The following HDGFL3 variants were observed in gnomAD, a reference collection of about 807,000 sequenced individuals.
HDGFL3 encodes hepatoma-derived growth factor-related protein 3.
HDGFL3 carries 6 observed loss-of-function variants against 27.6 expected under a neutral mutation model. That is an observed-to-expected ratio of 0.22 (90% CI 0.12 to 0.43). HDGFL3 has a LOEUF of 0.43. Among genes scored for constraint, HDGFL3 ranks in the 20% least tolerant of loss-of-function variants. HDGFL3 has a pLI of 1.00. For synonymous variants in HDGFL3, 88 were observed against 88.9 expected, an observed-to-expected ratio of 0.99 and a Z score of 0.05; for missense variants, 207 against 250.1, an observed-to-expected ratio of 0.83 and a Z score of 1.16.
chr15:83,193,867 G>A (rs1029983136), intron 1 of HDGFL3, among the ~76,000 whole-genome samples: 1 of 152,190 alleles, frequency 6.6e-6, no homozygotes, highest in African/African-American at 2.4e-5. Flanking sequence ...GTAGCCTATA[G>A]TGTAGCTGCA....
At chr15:83,150,266 A>G (rs2036947928) in intron 5 of HDGFL3, among the ~76,000 whole-genome samples, 1 of 152,210 alleles carries the variant, frequency 6.6e-6, no homozygotes, top group Non-Finnish European at 1.5e-5. Context: ...GAATAGAAAG[A>G]AAATCAAGTG....
At chr15:83,146,820 T>C (rs2036901939) in intron 5 of HDGFL3, among the ~76,000 whole-genome samples, 1 of 152,220 alleles carries the variant, frequency 6.6e-6, no homozygotes, top group Non-Finnish European at 1.5e-5. Flanking sequence ...CATTCTCTTA[T>C]TCTTCTAAAT....
Position 83,151,257 on chromosome 15 carries a change from G to A in HDGFL3, c.564C>T (p.Asp188=). The part of the protein sequence containing the change: ...SSSEGGDAGN[D]TRNTTSDLQK... Reference sequence around the variant, plus strand: ...GCAAGTCTGAAGTTGTGTTTCTTGTGTCGTTGCCCGCATCTCCACCCTCAG... The same window carrying A: ...GCAAGTCTGAAGTTGTGTTTCTTGTATCGTTGCCCGCATCTCCACCCTCAG... The change falls in exon 5 of 6, where the codon GAC becomes GAT. Residue 188 remains aspartate, a synonymous_variant. Transcript: ENST00000299633. 1.2e-6 allele frequency: 2 copies of A among 1,613,160 alleles called. No homozygotes were observed. The highest frequency in any genetic ancestry group is 1.1e-5 in the South Asian group (1 of 91,004).
chr15:83,160,634 G>A (rs183829164), intron 2 of HDGFL3, among the ~76,000 whole-genome samples: 1 of 152,336 alleles, frequency 6.6e-6, no homozygotes, highest in African/African-American at 2.4e-5. Context: ...GGAGATGTCA[G>A]GTAGCTGGAG....
At chr15:83,178,423 C>T (rs2037339321) in intron 1 of HDGFL3, among the ~76,000 whole-genome samples, 1 of 152,164 alleles carries the variant, frequency 6.6e-6, no homozygotes, top group Admixed American at 6.5e-5. Flanking sequence ...TGACTCTTGT[C>T]ATACTCTTAA....
rs1484614008 is a variant in HDGFL3, at chr15:83,135,297, C to T, written c.*3973G>A. On this transcript the variant is annotated 3_prime_UTR_variant, in exon 6 of 6. Coordinates refer to ENST00000299633, the MANE Select transcript of HDGFL3 (RefSeq NM_016073.4). ...TAACACCTTTATCTGTGAAATCACT[C>T]AGCAGAATAAATTGGTTTCATATGG... The T allele has an allele frequency of 6.6e-6, 1 of 152,216 alleles. No individual in the cohort carries two copies. The highest frequency in any genetic ancestry group is 1.9e-4 in the East Asian group (1 of 5,206). 9.4% of individuals were successfully genotyped at this position (152,216 alleles called of 1,614,324 possible).
intron 5 of HDGFL3, 134 bp downstream of exon 5, chr15:83,151,081 T>A: frequency 1.3e-6 from 1 of 744,788 alleles, no homozygotes. Flanking sequence ...AAGGGCTGAG[T>A]GGATGCATAT....
intron 2 of HDGFL3, among the ~76,000 whole-genome samples, chr15:83,159,949 T>C (rs938179308): frequency 3.3e-5 from 5 of 152,218 alleles, no homozygotes; most frequent in African/African-American, 7.2e-5. Context: ...TATGTCTTAA[T>C]AGGATAACTT....
chr15:83,185,920 C>T (rs932676080), intron 1 of HDGFL3: 1 of 152,388 alleles, frequency 6.6e-6, no homozygotes, highest in African/African-American at 2.4e-5. Context: ...TCTTGCTTGT[C>T]CGCTCTGAGG....
chr15:83,145,194 C>G (rs1789261361), intron 5 of HDGFL3, among the ~76,000 whole-genome samples: 1 of 152,118 alleles, frequency 6.6e-6, no homozygotes, highest in South Asian at 2.1e-4. Flanking sequence ...ACTCTGGATA[C>G]TATAAGATGG....
chr15:83,203,671 A>AT (rs2037679998), intron 1 of HDGFL3, among the ~76,000 whole-genome samples: 1 of 151,630 alleles, frequency 6.6e-6, no homozygotes, highest in South Asian at 2.1e-4. Flanking sequence ...TATTCCAAAA[A>AT]TTAAGACTTT....
downstream of HDGFL3, chr15:83,127,621 C>T: frequency 2.4e-6 from 2 of 832,900 alleles, no homozygotes; most frequent in East Asian, 2.6e-5. Flanking sequence ...CTTCAGAAGA[C>T]ATTTCTGCAA....
chr15:83,190,354 T>C (rs1054514626), intron 1 of HDGFL3, among the ~76,000 whole-genome samples: 4 of 152,186 alleles, frequency 2.6e-5, no homozygotes, highest in African/African-American at 9.6e-5. Context: ...TCAGAAAGTA[T>C]GCAAAATCCA....
intron 1 of HDGFL3, chr15:83,189,349 T>C (rs1345408901): frequency 6.6e-6 from 1 of 152,276 alleles, no homozygotes; most frequent in Non-Finnish European, 1.5e-5. Context: ...TGATATGGCT[T>C]TGTCTACCTA....
At chr15:83,189,058 C>A (rs912593712) in intron 1 of HDGFL3, among the ~76,000 whole-genome samples, 1 of 152,070 alleles carries the variant, frequency 6.6e-6, no homozygotes, top group Non-Finnish European at 1.5e-5. Flanking sequence ...TTCAATTATA[C>A]CCCAAAACAT....
chr15:83,139,236 G>A lies in HDGFL3; in HGVS notation c.*34C>T. Reference sequence around the variant, plus strand: ...ACAACCAAACATATAACCTTCTTGTGGTTTCTCTTAATATGCAGCATTCAT... The same window carrying A: ...ACAACCAAACATATAACCTTCTTGTAGTTTCTCTTAATATGCAGCATTCAT... On this transcript the variant is annotated 3_prime_UTR_variant, in exon 6 of 6. Transcript: ENST00000299633. 2 of 1,390,502 alleles carry A rather than the reference G, an allele frequency of 1.4e-6. No individual in the cohort carries two copies. Among genetic ancestry groups the A allele is most frequent in the Non-Finnish European group, 1.9e-6 (2 of 1,041,564 alleles). The allele number at this position is 1,390,502 out of a possible 1,614,324, so 86.1% of individuals were successfully genotyped here.
rs1221820185 is a variant in HDGFL3, at chr15:83,207,293, G to A, written c.84+38C>T. ...GGCGCGCCATCATGAAGGGGAAAATGGTGGGCGGGCGGGCCCGCGCGCGGC... is the reference window on the plus strand; with the variant it reads ...GGCGCGCCATCATGAAGGGGAAAATAGTGGGCGGGCGGGCCCGCGCGCGGC... On this transcript the variant is annotated intron_variant, in intron 1 of 5. Coordinates refer to ENST00000299633, the MANE Select transcript of HDGFL3 (RefSeq NM_016073.4). This position sits in a 1 kb window ranked among gnomAD's most constrained non-coding sequence, Gnocchi z 4.8. 8.5e-6 allele frequency: 11 copies of A among 1,289,970 alleles called. No homozygotes were observed. The highest frequency in any genetic ancestry group is 1.1e-5 in the Non-Finnish European group (11 of 1,000,378). The allele number at this position is 1,289,970 out of a possible 1,614,324, so 79.9% of individuals were successfully genotyped here. A position where few individuals can be genotyped will look rare whatever the true frequency, so the allele number is the denominator to read the frequency against.
Position 83,136,910 on chromosome 15 carries a change from G to A in HDGFL3, c.*2360C>T. ...TTCAAAATCATTTGTGAATAAACTT[G>A]ATCATCCATCTCAATATTGTTTGAC... On this transcript the variant is annotated 3_prime_UTR_variant, in exon 6 of 6. Transcript: ENST00000299633. 3.1e-6 allele frequency: 1 copy of A among 323,478 alleles called. No homozygotes were observed. The highest frequency in any genetic ancestry group is 2.1e-5 in the African/African-American group (1 of 46,928). 20.0% of individuals were successfully genotyped at this position (323,478 alleles called of 1,614,324 possible). A position where few individuals can be genotyped will look rare whatever the true frequency, so the allele number is the denominator to read the frequency against.
intron 1 of HDGFL3, among the ~76,000 whole-genome samples, chr15:83,196,189 ATATT>A (rs1212217266): frequency 1.3e-5 from 2 of 151,838 alleles, no homozygotes; most frequent in African/African-American, 4.8e-5. Flanking sequence ...AAATATCAAT[ATATT>A]TATATTTGTC....
Sources: allele counts gnomAD v4.1 joint callset (sites outside exome capture counted in the v4.1 genomes callset), GRCh38; gene constraint gnomAD v4.1.1; non-coding constraint Gnocchi (gnomAD v3.1); transcripts MANE v1.5; gene names NCBI Gene and HGNC (gene_info 2026-07-23, HGNC 2026-07-21).